Variants in SRMS observed in about 807,000 individuals in gnomAD.
SRMS encodes the protein src-related kinase lacking C-terminal regulatory tyrosine and N-terminal myristylation sites.
Under a neutral mutation model 43.5 loss-of-function variants are expected in SRMS, and 42 were observed. The ratio of observed to expected loss-of-function variants is 0.97; its 90% confidence interval spans 0.75 to 1.25. SRMS has a LOEUF of 1.25. Among genes scored for constraint, SRMS ranks in the 50% most tolerant of loss-of-function variants. SRMS has a pLI of 0.00. For synonymous variants in SRMS, 316 were observed against 308.2 expected, an observed-to-expected ratio of 1.03 and a Z score of -0.27; for missense variants, 703 against 681.0, an observed-to-expected ratio of 1.03 and a Z score of -0.36.
chr20:63,544,666 GC>G (rs1193874586), intron 1 of SRMS, among the ~76,000 whole-genome samples: 1 of 152,260 alleles, frequency 6.6e-6, no homozygotes, highest in Non-Finnish European at 1.5e-5. Flanking sequence ...CTGGCCATGG[GC>G]CATAGGCCTC....
In SRMS at chr20:63,540,763, G is replaced by T. The variant is rs2082698429; in HGVS notation, c.*55C>A. 6.5e-7 allele frequency: 1 copy of T among 1,536,620 alleles called. No homozygotes were observed. The stretch of plus-strand genomic sequence containing the variant: ...CGGCATCCCTTCGAGTTGGCGCTCT[G>T]CAGGGAGGAGGGGCTGGCCTGGCTG... On this transcript the variant is annotated 3_prime_UTR_variant, in exon 8 of 8. Coordinates refer to ENST00000217188, the MANE Select transcript of SRMS (RefSeq NM_080823.4).
chr20:63,543,745 C>T, intron 2 of SRMS: 1 of 455,116 alleles, frequency 2.2e-6, no homozygotes, highest in Non-Finnish European at 3.9e-6. Flanking sequence ...TGAATGAGTC[C>T]ATGAGTCAGT....
In SRMS at chr20:63,547,273, G is replaced by A. The variant is rs764885536; in HGVS notation, c.191C>T (p.Ala64Val). The A allele has an allele frequency of 9.3e-6, 15 of 1,610,064 alleles. No homozygotes were observed. Among genetic ancestry groups the A allele is most frequent in the African/African-American group, 1.3e-5 (1 of 74,854 alleles). Residue 64 changes from alanine (A) to valine (V), a missense_variant, in exon 1 of 8, where the codon GCG (alanine) becomes GTG (valine). Ala to Val is a moderately conservative substitution (Grantham distance 64). Coordinates refer to ENST00000217188, the MANE Select transcript of SRMS (RefSeq NM_080823.4). ...QLFLALYDFT[A>V]RCGGELSVRR... Reference sequence around the variant, plus strand: ...GACACTCAGCTCCCCGCCACACCGCGCCGTGAAGTCATAGAGCGCAAGGAA... The same window carrying A: ...GACACTCAGCTCCCCGCCACACCGCACCGTGAAGTCATAGAGCGCAAGGAA...
At position 63,542,273 on chromosome 20, in the gene SRMS, C is replaced by A; in HGVS notation, c.836G>T (p.Gly279Val). ...CCGGATGAGCCGCTCGTGCCGCAGG[C>A]CCTTCAGTGTCTGGATCTCCTTGGC... The part of the protein sequence containing the change: ...DLAKEIQTLK[G>V]LRHERLIRLH... The change falls in exon 5 of 8, where the codon GGC becomes GTC. Residue 279 changes from glycine (G) to valine (V), a missense_variant. Gly to Val is a moderately radical substitution (Grantham distance 109). Transcript: ENST00000217188. 5 of 1,612,554 alleles carry A rather than the reference C, an allele frequency of 3.1e-6. No individual in the cohort carries two copies. The highest frequency in any genetic ancestry group is 3.4e-6 in the Non-Finnish European group (4 of 1,179,640).
rs752945233 is a variant in SRMS at position 63,547,220 on chromosome 20, C to T, written c.244G>A (p.Glu82Lys). 2.3e-5 allele frequency: 37 copies of T among 1,612,052 alleles called. No individual in the cohort carries two copies. The highest frequency in any genetic ancestry group is 1.6e-4 in the African/African-American group (12 of 74,908). Residue 82 changes from glutamate (E) to lysine (K), a missense_variant, in exon 1 of 8, where the codon GAA (glutamate) becomes AAA (lysine). Glu to Lys is a moderately conservative substitution (Grantham distance 56). Coordinates refer to ENST00000217188, the MANE Select transcript of SRMS (RefSeq NM_080823.4). ...GCGAAGATGTAGCCGCCCCCCTCTT[C>T]GAGGGCACAGAGCCTGTCCCCGCGG... ...VRRGDRLCAL[E>K]EGGGYIFARR...
At chr20:63,544,165 C>G (rs1434163199) in intron 2 of SRMS, 62 bp downstream of exon 2, 3 of 1,377,420 alleles carry the variant, frequency 2.2e-6, no homozygotes, top group Non-Finnish European at 2.8e-6. Flanking sequence ...AGACCAACCA[C>G]CCCAAGGTCA....
At chr20:63,546,440 G>A (rs988947878) in intron 1 of SRMS, among the ~76,000 whole-genome samples, 1 of 152,170 alleles carries the variant, frequency 6.6e-6, no homozygotes, top group African/African-American at 2.4e-5. Flanking sequence ...CAGCCGCACT[G>A]GGCATCTGGA....
chr20:63,543,820 A>G, intron 2 of SRMS: 1 of 376,156 alleles, frequency 2.7e-6, no homozygotes, highest in African/African-American at 2.1e-5. Context: ...GAATAAGCAA[A>G]TGAGTGAAAG....
intron 4 of SRMS, 46 bp downstream of exon 4, chr20:63,542,394 C>T (rs2082709897): frequency 6.3e-7 from 1 of 1,597,630 alleles, no homozygotes; most frequent in East Asian, 2.2e-5. Flanking sequence ...GAGGGTTGGA[C>T]AGCAGGTGCG....
At position 63,542,197 on chromosome 20, in the gene SRMS, G is replaced by A; in HGVS notation, c.912C>T (p.Leu304=). The A allele has an allele frequency of 1.9e-6, 3 of 1,611,638 alleles. No homozygotes were observed. Among genetic ancestry groups the A allele is most frequent in the Non-Finnish European group, 2.5e-6 (3 of 1,178,978 alleles). Residue 304 remains leucine (L), a synonymous_variant, in exon 5 of 8, where the codon CTC becomes CTT. Coordinates refer to ENST00000217188, the MANE Select transcript of SRMS (RefSeq NM_080823.4). ...AGGCCTGCAGGTTCCCCTTGCGCAT[G>A]AGTTCCGTGACGATGTACACAGGCT... is the stretch of plus-strand genomic sequence containing the variant. The part of the protein sequence containing the change: ...GGEPVYIVTE[L]MRKGNLQAFL...
At chr20:63,543,079 T>C (rs1056653635) in intron 3 of SRMS, among the ~76,000 whole-genome samples, 1 of 152,158 alleles carries the variant, frequency 6.6e-6, no homozygotes, top group Non-Finnish European at 1.5e-5. Context: ...ACAGGTCTCC[T>C]TTCCCCACTC....
chr20:63,544,584 C>T (rs2082721057), intron 1 of SRMS, among the ~76,000 whole-genome samples: 2 of 152,250 alleles, frequency 1.3e-5, no homozygotes, highest in Admixed American at 1.3e-4. Flanking sequence ...TCTCCGTTAG[C>T]CCTGCTGGGC....
In SRMS at chr20:63,542,083, C is replaced by T. The variant is rs1021308695; in HGVS notation, c.946+80G>A. Reference sequence around the variant, plus strand: ...GAGGCCCGGTTCACCTCGGAAACCCCGCAGGTTCAGCTCTGCGCCAGGAGG... The same window carrying T: ...GAGGCCCGGTTCACCTCGGAAACCCTGCAGGTTCAGCTCTGCGCCAGGAGG... On this transcript the variant is annotated intron_variant, in intron 5 of 7. Coordinates refer to ENST00000217188, the MANE Select transcript of SRMS (RefSeq NM_080823.4). 8 of 1,533,948 alleles carry T rather than the reference C, an allele frequency of 5.2e-6. No individual in the cohort carries two copies. The African/African-American group carries it at 5.5e-5, about 11-fold the overall frequency.
In SRMS at chr20:63,542,328, G is replaced by A. The variant is rs1010551762; in HGVS notation, c.788-7C>T. 11 of 1,606,074 alleles carry A rather than the reference G, an allele frequency of 6.8e-6. No homozygotes were observed. Among genetic ancestry groups the A allele is most frequent in the Admixed American group, 5.0e-5 (3 of 59,802 alleles). Reference sequence around the variant, plus strand: ...TCAGTGAGCTTCATGTTGGCTGCGAGAGAGGGTGTGGCTCCAGGACCGGCC... The same window carrying A: ...TCAGTGAGCTTCATGTTGGCTGCGAAAGAGGGTGTGGCTCCAGGACCGGCC... On this transcript the variant is annotated splice_polypyrimidine_tract_variant and splice_region_variant and intron_variant, in intron 4 of 7. Transcript: ENST00000217188.
At chr20:63,544,494 C>G (rs1278568981) in intron 1 of SRMS, 146 bp from the exon 2 acceptor site, 1 of 1,086,880 alleles carries the variant, frequency 9.2e-7, no homozygotes, top group Admixed American at 4.2e-5. Flanking sequence ...AGTCCCAGCT[C>G]AAGGTCTGCA....
At position 63,541,248 on chromosome 20, in the gene SRMS, A is replaced by G. The variant is rs748459613; in HGVS notation, c.1228T>C (p.Trp410Arg). 3.2e-6 allele frequency: 5 copies of G among 1,569,440 alleles called. No homozygotes were observed. The Admixed American group carries it at 1.0e-4, about 32-fold the overall frequency. The change falls in exon 7 of 8, where the codon TGG becomes CGG. Residue 410 changes from tryptophan to arginine, a missense_variant. Coordinates refer to ENST00000217188, the MANE Select transcript of SRMS (RefSeq NM_080823.4). ...YRVFSQKSDV[W>R]SFGVLLHEVF... is the part of the protein sequence containing the mutation. ...TCGTGCAGCAGGACGCCGAAGGACC[A>G]GACGTCTGACTTCTGGGAGAAGACA...
rs937370902 is a variant in SRMS at position 63,540,375 on chromosome 20, G to A, written c.*443C>T. 2.6e-5 allele frequency among the ~76,000 whole-genome samples: 4 copies of A among 152,168 alleles called. No homozygotes were observed. Among genetic ancestry groups the A allele is most frequent in the Non-Finnish European group, 5.9e-5 (4 of 68,002 alleles). ...CTTCACCCTGGGAGGGAGTCCAGGG[G>A]ACCCAGGCAGGAGACACACAGGGCT... On this transcript the variant is annotated 3_prime_UTR_variant, in exon 8 of 8. Transcript: ENST00000217188.
intron 1 of SRMS, among the ~76,000 whole-genome samples, chr20:63,545,663 T>A (rs550972371): frequency 6.6e-6 from 1 of 151,696 alleles, no homozygotes; most frequent in South Asian, 2.1e-4. Flanking sequence ...TGGGCTTAAG[T>A]TGAAGGGAAT....
chr20:63,545,177 G>A (rs1569018741), intron 1 of SRMS, among the ~76,000 whole-genome samples: 1 of 152,112 alleles, frequency 6.6e-6, no homozygotes, highest in Admixed American at 6.5e-5. Flanking sequence ...CAGGTGGGCC[G>A]CCCACCAGGT....
Sources: allele counts gnomAD v4.1 joint callset (sites outside exome capture counted in the v4.1 genomes callset), GRCh38; gene constraint gnomAD v4.1.1; transcripts MANE v1.5; gene names NCBI Gene and HGNC (gene_info 2026-07-23, HGNC 2026-07-21).